ARL15: variants seen among roughly 807,000 people sequenced by gnomAD.
ARL15 encodes ADP-ribosylation factor-like protein 15.
ARL15 carries 19 observed loss-of-function variants against 25.2 expected under a neutral mutation model. The observed-to-expected ratio is 0.75, with a 90% confidence interval of 0.53 to 1.10. The LOEUF (loss-of-function observed/expected upper bound fraction) is 1.10. ARL15 is among the 50% of genes least tolerant of loss of function. The pLI is 0.00. For missense variants in ARL15, 220 were observed against 246.0 expected (o/e 0.89, Z 0.71); for synonymous variants, 94 against 86.8 (o/e 1.08, Z -0.46).
chr5:54,234,448 C>T (rs1195871357), intron 1 of ARL15, among the ~76,000 whole-genome samples: 1 of 152,150 alleles, frequency 6.6e-6, no homozygotes, highest in African/African-American at 2.4e-5. Flanking sequence ...TTTGACTTCA[C>T]CAGGTGTTTG....
At chr5:53,892,761 C>T (rs907393413) in intron 4 of ARL15, among the ~76,000 whole-genome samples, 6 of 151,946 alleles carry the variant, frequency 3.9e-5, no homozygotes, top group Non-Finnish European at 5.9e-5. Flanking sequence ...TGCTATCATG[C>T]CTGCCTAATT....
chr5:54,107,625 C>G (rs1752629070), intron 4 of ARL15, among the ~76,000 whole-genome samples: 1 of 151,546 alleles, frequency 6.6e-6, no homozygotes, highest in African/African-American at 2.4e-5. Flanking sequence ...TGTGAAAAGT[C>G]TAGATGTGGA....
At chr5:53,922,262 G>A (rs1478825616) in intron 4 of ARL15, among the ~76,000 whole-genome samples, 1 of 152,136 alleles carries the variant, frequency 6.6e-6, no homozygotes, top group Non-Finnish European at 1.5e-5. Flanking sequence ...AACATTCACT[G>A]TTCCCTTGCC....
At chr5:54,232,418 C>G (rs1756695519) in intron 1 of ARL15, among the ~76,000 whole-genome samples, 1 of 152,138 alleles carries the variant, frequency 6.6e-6, no homozygotes, top group African/African-American at 2.4e-5. Context: ...AAGGAGAGAC[C>G]AGAGTAAGCA....
intron 1 of ARL15, among the ~76,000 whole-genome samples, chr5:54,223,109 C>T (rs1756423602): frequency 6.6e-6 from 1 of 151,228 alleles, no homozygotes; most frequent in Non-Finnish European, 1.5e-5. Flanking sequence ...TCAAACTGGG[C>T]CTTAAAATTA....
rs115682950 is a variant in ARL15, at chr5:53,954,425, G to A, written c.463-67712C>T. Among the ~76,000 whole-genome samples the A allele has an allele frequency of 4.9e-3, 749 of 152,212 alleles. 2 individuals carry two copies. Among genetic ancestry groups the A allele is most frequent in the Admixed American group, 9.0e-3 (138 of 15,284 alleles). ...AATACAACAAAAGGAGAAAAATAAG[G>A]TAATTACTTTCTAAGAATATTTCCA... On this transcript the variant is annotated intron_variant, in intron 4 of 4. Transcript: ENST00000504924.
At chr5:54,055,315 A>C (rs1750832568) in intron 4 of ARL15, among the ~76,000 whole-genome samples, 1 of 141,550 alleles carries the variant, frequency 7.1e-6, no homozygotes, top group South Asian at 2.2e-4. Context: ...TCCAAGGTTC[A>C]TCCATGTTGT....
intron 1 of ARL15, 54 bp from the exon 2 acceptor site, chr5:54,171,982 C>T: frequency 6.3e-7 from 1 of 1,576,470 alleles, no homozygotes; most frequent in Non-Finnish European, 8.7e-7. Context: ...TGGAAATAAA[C>T]CATAGTCACA....
intron 1 of ARL15, among the ~76,000 whole-genome samples, chr5:54,299,443 T>G (rs1758554878): frequency 6.6e-6 from 1 of 152,156 alleles, no homozygotes; most frequent in African/African-American, 2.4e-5. Flanking sequence ...ACATTTAATT[T>G]CTCTAAGCTT....
At chr5:54,201,441 C>T (rs1935104358) in intron 1 of ARL15, among the ~76,000 whole-genome samples, 1 of 152,098 alleles carries the variant, frequency 6.6e-6, no homozygotes, top group Non-Finnish European at 1.5e-5. Context: ...TTTGTGAAAT[C>T]CCATTTTAGC....
intron 4 of ARL15, among the ~76,000 whole-genome samples, chr5:54,087,681 A>T (rs190723961): frequency 3.7e-5 from 3 of 80,936 alleles, no homozygotes; most frequent in African/African-American, 1.1e-4. Flanking sequence ...CACAAAGACA[A>T]TGGAAGAAGC....
chr5:54,069,974 T>C (rs969015108), intron 4 of ARL15, among the ~76,000 whole-genome samples: 2 of 147,812 alleles, frequency 1.4e-5, no homozygotes, highest in Admixed American at 1.4e-4. Context: ...CACACCTGGC[T>C]GGAGGGCTTT....
chr5:53,918,783 AGAGAG>A (rs939807803), intron 4 of ARL15, among the ~76,000 whole-genome samples: 14 of 152,178 alleles, frequency 9.2e-5, no homozygotes, highest in African/African-American at 3.1e-4. Flanking sequence ...TGGAAGCAAA[AGAGAG>A]GAGATTTTGA....
At chr5:54,309,552 G>A (rs532253424) in intron 1 of ARL15, among the ~76,000 whole-genome samples, 2 of 152,274 alleles carry the variant, frequency 1.3e-5, no homozygotes, top group East Asian at 1.9e-4. Flanking sequence ...TGGCAATAGC[G>A]GTTCTGCCCA....
chr5:54,107,389 G>A (rs1042244662), intron 4 of ARL15, among the ~76,000 whole-genome samples: 4 of 152,124 alleles, frequency 2.6e-5, no homozygotes, highest in African/African-American at 4.8e-5. Context: ...AAAGGAATCC[G>A]ATGCACATTA....
At chr5:53,904,372 G>A (rs1158746866) in intron 4 of ARL15, among the ~76,000 whole-genome samples, 1 of 152,154 alleles carries the variant, frequency 6.6e-6, no homozygotes, top group Non-Finnish European at 1.5e-5. Flanking sequence ...AAGTAAATGT[G>A]ACACCAACAG....
intron 3 of ARL15, among the ~76,000 whole-genome samples, chr5:54,138,198 G>A (rs180945058): frequency 3.3e-5 from 5 of 151,994 alleles, no homozygotes; most frequent in African/African-American, 9.7e-5. Flanking sequence ...GGAGGATCTC[G>A]ATCCAGGTAC....
chr5:54,309,963 T>TTA (rs1393130873), intron 1 of ARL15, among the ~76,000 whole-genome samples: 1 of 152,132 alleles, frequency 6.6e-6, no homozygotes, highest in African/African-American at 2.4e-5. Context: ...GGTCATAGCT[T>TTA]TAGAGATTTA....
At chr5:54,115,036 C>T (rs1487167832) in intron 3 of ARL15, among the ~76,000 whole-genome samples, 2 of 152,168 alleles carry the variant, frequency 1.3e-5, no homozygotes, top group East Asian at 3.9e-4. Flanking sequence ...TGCTTCTCTT[C>T]CCAACTCTGT....
Sources: gnomAD v4.1 joint callset for allele counts (sites outside exome capture counted in the v4.1 genomes callset) on GRCh38, gnomAD v4.1.1 for gene constraint, MANE v1.5 for transcripts, NCBI Gene and HGNC (gene_info 2026-07-23, HGNC 2026-07-21) for gene names.